CDH11: variants seen among roughly 807,000 people sequenced by gnomAD.
The protein encoded by CDH11 is cadherin 11, also known as cadherin-11.
In CDH11, 11 loss-of-function variants were observed where a neutral mutation model predicts 67.8. The observed-to-expected ratio is 0.16, with a 90% confidence interval of 0.10 to 0.27. The LOEUF (loss-of-function observed/expected upper bound fraction) is 0.27, where lower values mean the gene tolerates loss of function less well. CDH11 is among the 10% of genes least tolerant of loss of function. The pLI, the probability that CDH11 is intolerant of heterozygous loss-of-function variation, is 1.00. For missense variants in CDH11, 847 were observed against 1,031.2 expected (o/e 0.82, Z 2.45); for synonymous variants, 419 against 400.0 (o/e 1.05, Z -0.57).
In CDH11 at chr16:64,946,295, A is replaced by G. The variant is rs894039417; in HGVS notation, c.*1308T>C. ...TAAGTTCAACAGAAGAAAAAATAGA[A>G]TAACATTAGAGTCTGGGCAAATTTA... is the stretch of plus-strand genomic sequence containing the variant. On this transcript the variant is annotated 3_prime_UTR_variant, in exon 13 of 13. Transcript: ENST00000268603. The G allele has an allele frequency of 9.6e-7, 1 of 1,045,592 alleles. No individual in the cohort carries two copies. Among genetic ancestry groups the G allele is most frequent in the African/African-American group, 1.7e-5 (1 of 60,066 alleles). The allele number at this position is 1,045,592 out of a possible 1,614,324, so 64.8% of individuals were successfully genotyped here. A position where few individuals can be genotyped will look rare whatever the true frequency, so the allele number is the denominator to read the frequency against.
intron 1 of CDH11, among the ~76,000 whole-genome samples, chr16:65,083,725 G>C (rs111510795): frequency 6.6e-6 from 1 of 152,182 alleles, no homozygotes; most frequent in Non-Finnish European, 1.5e-5. Flanking sequence ...CAGACATCAG[G>C]GGTGGCTGAC....
chr16:65,034,959 G>A (rs1374856611), intron 2 of CDH11, among the ~76,000 whole-genome samples: 1 of 152,096 alleles, frequency 6.6e-6, no homozygotes, highest in Non-Finnish European at 1.5e-5. Context: ...CTCGACCCTC[G>A]AGTTATCAAG....
chr16:65,037,728 CCGAGAAGA>C (rs1170198875), intron 2 of CDH11, among the ~76,000 whole-genome samples: 1 of 152,058 alleles, frequency 6.6e-6, no homozygotes, highest in Non-Finnish European at 1.5e-5. Flanking sequence ...TTCCACTTCC[CCGAGAAGA>C]CGAGAGTGCC....
intron 6 of CDH11, among the ~76,000 whole-genome samples, chr16:64,989,160 G>A (rs1489923674): frequency 1.3e-5 from 2 of 152,054 alleles, no homozygotes; most frequent in African/African-American, 2.4e-5. Context: ...ATAAAGTAGG[G>A]TAAAAGGGTG....
intron 2 of CDH11, among the ~76,000 whole-genome samples, chr16:65,038,635 C>T (rs180777630): frequency 1.3e-5 from 2 of 152,334 alleles, no homozygotes; most frequent in East Asian, 1.9e-4. Context: ...ACATCTCTAT[C>T]GTTTCACTCG....
intron 12 of CDH11, chr16:64,948,568 AAAGAG>A (rs60503515): frequency 0.14 from 210,650 of 1,512,168 alleles, 19,071 homozygotes; most frequent in East Asian, 0.42. Flanking sequence ...AATGTCTGAG[AAAGAG>A]TATTGGTCCT....
At chr16:65,041,907 A>C (rs1385652407) in intron 2 of CDH11, among the ~76,000 whole-genome samples, 1 of 152,216 alleles carries the variant, frequency 6.6e-6, no homozygotes, top group Non-Finnish European at 1.5e-5. Context: ...TGCTCCAGGC[A>C]ATGATGCCCC....
intron 1 of CDH11, among the ~76,000 whole-genome samples, chr16:65,112,656 A>G (rs2075180042): frequency 6.6e-6 from 1 of 152,178 alleles, no homozygotes; most frequent in Non-Finnish European, 1.5e-5. Context: ...AGTGTCCTCT[A>G]TAGGCTTGGC....
intron 4 of CDH11, 31 bp from the exon 5 acceptor site, chr16:64,993,065 TCTC>T (rs2072671712): frequency 1.9e-6 from 3 of 1,577,030 alleles, no homozygotes; most frequent in South Asian, 1.1e-5. Context: ...ATTAGCAACA[TCTC>T]CTCAGATTTT....
Position 64,988,550 on chromosome 16 carries a change from A to G in CDH11, c.812-206T>C, listed in dbSNP as rs557925030. On this transcript the variant is annotated intron_variant, in intron 6 of 12. Transcript: ENST00000268603. ...GAATGTGTTCTACGAAGGGTGATAAAACAATATCTGGGTCCAGGTGAAATG... is the reference window on the plus strand; with the variant it reads ...GAATGTGTTCTACGAAGGGTGATAAGACAATATCTGGGTCCAGGTGAAATG... Among the ~76,000 whole-genome samples, 10 of 152,304 alleles carry G rather than the reference A, an allele frequency of 6.6e-5. No homozygotes were observed. In the East Asian group the frequency reaches 1.9e-3, roughly 29 times the overall value.
chr16:65,105,268 A>G (rs1018729674), intron 1 of CDH11, among the ~76,000 whole-genome samples: 4 of 152,202 alleles, frequency 2.6e-5, no homozygotes, highest in African/African-American at 9.7e-5. Flanking sequence ...CCCAGAAAGC[A>G]CTGAGAATTA....
chr16:65,079,520 T>C (rs1032219182), intron 1 of CDH11, among the ~76,000 whole-genome samples: 5 of 152,212 alleles, frequency 3.3e-5, no homozygotes, highest in Non-Finnish European at 5.9e-5. Flanking sequence ...TTTGTGTGTG[T>C]GCGTGTTCCA....
chr16:64,999,602 C>T (rs1048170200), intron 3 of CDH11, among the ~76,000 whole-genome samples: 9 of 152,002 alleles, frequency 5.9e-5, no homozygotes, highest in African/African-American at 2.2e-4. Context: ...GGCATGATCT[C>T]GGCTCACTGC....
At chr16:65,080,960 C>G (rs564962124) in intron 1 of CDH11, among the ~76,000 whole-genome samples, 13 of 152,272 alleles carry the variant, frequency 8.5e-5, no homozygotes, top group African/African-American at 3.1e-4. Flanking sequence ...GAAATATCAT[C>G]ATCATTCAAT....
At chr16:64,958,613 G>T (rs910790908) in intron 11 of CDH11, among the ~76,000 whole-genome samples, 4 of 152,074 alleles carry the variant, frequency 2.6e-5, no homozygotes, top group African/African-American at 9.7e-5. Flanking sequence ...GAAAATAACA[G>T]AACTAGAATT....
At chr16:65,097,766 C>A (rs1394833642) in intron 1 of CDH11, among the ~76,000 whole-genome samples, 1 of 152,196 alleles carries the variant, frequency 6.6e-6, no homozygotes. Flanking sequence ...TCTCCCACAA[C>A]ACATGGGATC....
At chr16:65,086,097 C>T (rs188232882) in intron 1 of CDH11, among the ~76,000 whole-genome samples, 2 of 152,322 alleles carry the variant, frequency 1.3e-5, no homozygotes, top group East Asian at 3.9e-4. Flanking sequence ...GTTTCAAAGG[C>T]ATCATTTGCC....
chr16:64,954,737 AAGTGGCATTTCTG>A (rs1222231530), intron 11 of CDH11, among the ~76,000 whole-genome samples: 1 of 152,066 alleles, frequency 6.6e-6, no homozygotes, highest in African/African-American at 2.4e-5. Context: ...CTTCTCTCAG[AAGTGGCATTTCTG>A]AGTGGCATTT....
At chr16:65,033,309 G>A (rs1477092328) in intron 2 of CDH11, among the ~76,000 whole-genome samples, 1 of 151,522 alleles carries the variant, frequency 6.6e-6, no homozygotes, top group African/African-American at 2.4e-5. Context: ...GTTTGCAAAT[G>A]GAGTTGTGCA....
Sources: gnomAD v4.1 joint callset for allele counts (sites outside exome capture counted in the v4.1 genomes callset) on GRCh38, gnomAD v4.1.1 for gene constraint, MANE v1.5 for transcripts, NCBI Gene and HGNC (gene_info 2026-07-23, HGNC 2026-07-21) for gene names.